Variants in MAFK observed in about 807,000 individuals in gnomAD.
MAFK encodes the protein transcription factor MafK.
In MAFK, 1 loss-of-function variant was observed where a neutral mutation model predicts 9.2. The observed-to-expected ratio is 0.11, with a 90% CI of 0.04 to 0.52. The LOEUF is 0.52. Among genes scored for constraint, MAFK ranks in the 20% least tolerant of loss-of-function variants. The pLI, the probability that MAFK is intolerant of heterozygous loss-of-function variation, is 0.94. For missense variants in MAFK, 207 were observed against 236.0 expected (o/e 0.88, Z 0.81); for synonymous variants, 110 against 107.4 (o/e 1.02, Z -0.15).
Position 1,532,521 on chromosome 7 carries a change from C to T in MAFK, c.-45+1623C>T, listed in dbSNP as rs1397657568. On this transcript the variant is annotated intron_variant, in intron 1 of 2. Transcript: ENST00000343242. This position sits in a 1 kb window ranked among gnomAD's most constrained non-coding sequence, Gnocchi z 4.5. ...TCCTGCCTTTTATCCTTGAACCGAGCCAGGGCTTTGAGGGGCTGGTTGCCC... is the reference window on the plus strand; with the variant it reads ...TCCTGCCTTTTATCCTTGAACCGAGTCAGGGCTTTGAGGGGCTGGTTGCCC... 6.6e-6 allele frequency among the ~76,000 whole-genome samples: 1 copy of T among 152,220 alleles called. No individual in the cohort carries two copies.
At position 1,541,248 on chromosome 7, in the gene MAFK, C is replaced by G. The variant is rs1300807457; in HGVS notation, c.*873C>G. The stretch of plus-strand genomic sequence containing the variant: ...AGGCCGTCCCGGATCTCAGCGGACA[C>G]AGGCAGGAGCGCCCCATCATTTGAC... On this transcript the variant is annotated 3_prime_UTR_variant, in exon 3 of 3. Transcript: ENST00000343242. 1 of 153,046 alleles carries G rather than the reference C, an allele frequency of 6.5e-6. No individual in the cohort carries two copies. The highest frequency in any genetic ancestry group is 2.4e-5 in the African/African-American group (1 of 41,466). 9.5% of individuals were successfully genotyped at this position (153,046 alleles called of 1,614,324 possible). A position where few individuals can be genotyped will look rare whatever the true frequency, so the allele number is the denominator to read the frequency against.
chr7:1,538,971 T>C, intron 1 of MAFK, 178 bp from the exon 2 acceptor site: 2 of 589,542 alleles, frequency 3.4e-6, no homozygotes, highest in Non-Finnish European at 6.0e-6. Flanking sequence ...CCAGGATGCC[T>C]CACCCCCTGG....
chr7:1,539,365 GT>G, intron 2 of MAFK, 137 bp downstream of exon 2: 1 of 684,878 alleles, frequency 1.5e-6, no homozygotes, highest in Non-Finnish European at 2.5e-6. Flanking sequence ...GGGGGCTGCT[GT>G]GGCCGAGGGA....
chr7:1,533,250 T>C (rs182102440), intron 1 of MAFK, among the ~76,000 whole-genome samples: 7 of 152,076 alleles, frequency 4.6e-5, no homozygotes, highest in African/African-American at 1.7e-4. Flanking sequence ...CTGGGGAAGG[T>C]ATTGGGGTGG....
chr7:1,539,541 GCGTGGCCT>G lies in MAFK; in HGVS notation c.36+315_36+322del, dbSNP rs1310805514. Among the ~76,000 whole-genome samples, 135 of 111,534 alleles carry G rather than the reference GCGTGGCCT, an allele frequency of 1.2e-3. 1 individual carries two copies. The highest frequency in any genetic ancestry group is 5.0e-3 in the African/African-American group (129 of 25,630). The allele number at this position is 111,534 out of a possible 152,430, so 73.2% of individuals were successfully genotyped here. On this transcript the variant is annotated intron_variant, in intron 2 of 2. Coordinates refer to ENST00000343242, the MANE Select transcript of MAFK (RefSeq NM_002360.4). ...GCTCCAGGCGTGGGCAGCGTGGCCA[GCGTGGCCT>G]CTGGTGAACGCGATGCTCCAGCTCC...
rs367561408 is a variant in MAFK at position 1,537,483 on chromosome 7, G to A, written c.-44-1666G>A. On this transcript the variant is annotated intron_variant, in intron 1 of 2. Transcript: ENST00000343242. ...GTTTCTCATGGTGCTCCCAGCCGCCGGCATTTGCAGGTCCCCACGGTGGCG... is the reference window on the plus strand; with the variant it reads ...GTTTCTCATGGTGCTCCCAGCCGCCAGCATTTGCAGGTCCCCACGGTGGCG... 26 of 985,558 alleles carry A rather than the reference G, an allele frequency of 2.6e-5. No individual in the cohort carries two copies. In the African/African-American group the frequency reaches 2.8e-4, roughly 11 times the overall value. 61.1% of individuals were successfully genotyped at this position (985,558 alleles called of 1,614,324 possible).
In MAFK at chr7:1,540,007, C is replaced by A; in HGVS notation, c.103C>A (p.Arg35=). The change falls in exon 3 of 3, where the codon CGG becomes AGG. Residue 35 remains arginine (R), a synonymous_variant. Transcript: ENST00000343242. ...SDDELVSMSV[R]ELNQHLRGLT... ...TGATGAGCTGGTGTCCATGTCGGTG[C>A]GGGAGCTGAACCAGCACCTGCGGGG... is the stretch of plus-strand genomic sequence containing the variant. 2 of 1,557,946 alleles carry A rather than the reference C, an allele frequency of 1.3e-6. No homozygotes were observed. Among genetic ancestry groups the A allele is most frequent in the Non-Finnish European group, 1.7e-6 (2 of 1,150,926 alleles).
chr7:1,539,128 C>T (rs1784109550), intron 1 of MAFK, 21 bp from the exon 2 acceptor site: 11 of 1,606,894 alleles, frequency 6.8e-6, no homozygotes, highest in South Asian at 6.6e-5. Context: ...GCTGGCTTCT[C>T]TGCTTGTCCA....
At chr7:1,538,365 A>G (rs1191576945) in intron 1 of MAFK, 12 of 985,176 alleles carry the variant, frequency 1.2e-5, no homozygotes, top group East Asian at 2.3e-4. Flanking sequence ...GCCGCCCCTC[A>G]GGAACCCCAC....
rs779584188 is a variant in MAFK at position 1,540,098 on chromosome 7, C to T, written c.194C>T (p.Ala65Val). The T allele has an allele frequency of 3.8e-6, 6 of 1,567,862 alleles. No homozygotes were observed. The highest frequency in any genetic ancestry group is 1.2e-5 in the South Asian group (1 of 85,820). The change falls in exon 3 of 3, where the codon GCG (alanine) becomes GTG (valine). Residue 65 changes from alanine to valine, a missense_variant. Physicochemically the swap from Ala to Val is moderately conservative, Grantham distance 64 (BLOSUM62 0). Transcript: ENST00000343242. ...RRRTLKNRGY[A>V]ASCRIKRVTQ... ...CGCACACTCAAGAACCGCGGCTACG[C>T]GGCCAGCTGCCGCATCAAGCGGGTG...
chr7:1,533,969 T>A (rs1180555133), intron 1 of MAFK: 1 of 343,276 alleles, frequency 2.9e-6, no homozygotes, highest in Non-Finnish European at 5.9e-6. Context: ...TGGTGTGTTC[T>A]GCAGTCTGCT....
chr7:1,531,769 C>T (rs1006122091), intron 1 of MAFK, among the ~76,000 whole-genome samples: 3 of 152,198 alleles, frequency 2.0e-5, no homozygotes, highest in East Asian at 1.9e-4. Context: ...AGGACCCCGC[C>T]TGGCCTTGGC....
chr7:1,539,662 A>G (rs528498443), intron 2 of MAFK, among the ~76,000 whole-genome samples: 7 of 152,308 alleles, frequency 4.6e-5, no homozygotes, highest in African/African-American at 1.7e-4. Flanking sequence ...AGCAGGACCC[A>G]TGCACTCTGG....
Position 1,534,282 on chromosome 7 carries a change from G to A in MAFK, c.-45+3384G>A, listed in dbSNP as rs1026277187. 1 of 455,714 alleles carries A rather than the reference G, an allele frequency of 2.2e-6. No homozygotes were observed. The highest frequency in any genetic ancestry group is 2.0e-5 in the African/African-American group (1 of 50,046). 28.2% of individuals were successfully genotyped at this position (455,714 alleles called of 1,614,324 possible). A position where few individuals can be genotyped will look rare whatever the true frequency, so the allele number is the denominator to read the frequency against. On this transcript the variant is annotated intron_variant, in intron 1 of 2. Transcript: ENST00000343242. This position sits in a 1 kb window ranked among gnomAD's most constrained non-coding sequence, Gnocchi z 4.3. ...CTGGCTGGTCTCTGGGACCAGCTGG[G>A]CTGCAATTAGTCGGTTGACACCTGT...
At chr7:1,537,579 C>T in intron 1 of MAFK, 2 of 985,540 alleles carry the variant, frequency 2.0e-6, no homozygotes, top group Non-Finnish European at 2.4e-6. Flanking sequence ...GCCTGGAGCC[C>T]ACCTGGCCGT....
chr7:1,539,346 C>T (rs1784116408), intron 2 of MAFK, 118 bp downstream of exon 2: 1 of 795,246 alleles, frequency 1.3e-6, no homozygotes, highest in Non-Finnish European at 2.1e-6. Context: ...TCCCTGTTGC[C>T]AGGAGGAGGG....
chr7:1,539,153 G>T lies in MAFK; in HGVS notation c.-40G>T. ...CTGCTTGTCCATGTTTTCCAGCTAC[G>T]AGTTCCAGGGAGCTCTGTCCTGGTG... On this transcript the variant is annotated 5_prime_UTR_variant, in exon 2 of 3. Transcript: ENST00000343242. The T allele has an allele frequency of 6.2e-7, 1 of 1,612,718 alleles. No homozygotes were observed. Among genetic ancestry groups the T allele is most frequent in the South Asian group, 1.1e-5 (1 of 90,972 alleles).
chr7:1,537,391 T>G, intron 1 of MAFK: 1 of 985,492 alleles, frequency 1.0e-6, no homozygotes, highest in African/African-American at 1.7e-5. Context: ...GTGGCCGGCC[T>G]GTGCACTGAC....
intron 1 of MAFK, 34 bp downstream of exon 1, chr7:1,530,932 C>T (rs1206344890): frequency 1.7e-5 from 2 of 119,802 alleles, no homozygotes; most frequent in Non-Finnish European, 1.7e-5. Context: ...GCCCGGGCCG[C>T]GGCGGGGACG....
Sources: gnomAD v4.1 joint callset for allele counts (sites outside exome capture counted in the v4.1 genomes callset) on GRCh38, gnomAD v4.1.1 for gene constraint, Gnocchi (gnomAD v3.1) non-coding constraint, MANE v1.5 for transcripts, NCBI Gene and HGNC (gene_info 2026-07-23, HGNC 2026-07-21) for gene names.